Variants in SRGAP3 observed in about 807,000 individuals in gnomAD.
SRGAP3 encodes the protein SLIT-ROBO Rho GTPase activating protein 3, also known as SLIT-ROBO Rho GTPase-activating protein 3.
A neutral mutation model predicts 121.1 loss-of-function variants in SRGAP3; 39 were observed. The observed-to-expected ratio is 0.32, with a 90% CI of 0.25 to 0.42. The LOEUF (loss-of-function observed/expected upper bound fraction) is 0.42. SRGAP3 is among the 10% of genes least tolerant of loss of function. The pLI is 1.00. For missense variants in SRGAP3, 1,213 were observed against 1,470.6 expected, an observed-to-expected ratio of 0.82 and a Z score of 2.86; for synonymous variants, 601 against 570.0, an observed-to-expected ratio of 1.05 and a Z score of -0.77.
intron 2 of SRGAP3, among the ~76,000 whole-genome samples, chr3:9,120,801 T>C (rs1948977875): frequency 6.6e-6 from 1 of 152,264 alleles, no homozygotes; most frequent in Non-Finnish European, 1.5e-5. Context: ...TTTCTCTAAA[T>C]GTTAACCTGT....
At chr3:8,987,044 G>A (rs1230335833) in intron 21 of SRGAP3, among the ~76,000 whole-genome samples, 2 of 152,272 alleles carry the variant, frequency 1.3e-5, no homozygotes, top group Admixed American at 1.3e-4. Context: ...TCTGTGGCCA[G>A]TTGCTGGCCG....
intron 3 of SRGAP3, chr3:9,081,171 C>T (rs1947226746): frequency 1.1e-5 from 5 of 452,192 alleles, no homozygotes; most frequent in Non-Finnish European, 1.3e-5. Flanking sequence ...CTGGTTACAA[C>T]AGATGCCCTA....
At chr3:9,064,135 T>C (rs1225018246) in intron 5 of SRGAP3, among the ~76,000 whole-genome samples, 2 of 152,188 alleles carry the variant, frequency 1.3e-5, no homozygotes, top group Non-Finnish European at 2.9e-5. Context: ...TTCTTGTGAG[T>C]TGAGCACCTC....
intron 3 of SRGAP3, among the ~76,000 whole-genome samples, chr3:9,313,671 T>C (rs756772510): frequency 6.9e-6 from 1 of 144,978 alleles, no homozygotes; most frequent in Non-Finnish European, 1.5e-5. Flanking sequence ...AGCAAGACTC[T>C]ATGTCTTAAA....
intron 1 of SRGAP3, among the ~76,000 whole-genome samples, chr3:9,344,936 C>T (rs2125291665): frequency 6.6e-6 from 1 of 152,098 alleles, no homozygotes; most frequent in African/African-American, 2.4e-5. Context: ...ACTCAGGAGG[C>T]TGAGGCAGGA....
At chr3:9,067,856 C>G (rs912161903) in intron 4 of SRGAP3, among the ~76,000 whole-genome samples, 1 of 152,008 alleles carries the variant, frequency 6.6e-6, no homozygotes, top group African/African-American at 2.4e-5. Context: ...CTTGGTGGAA[C>G]TGGCATACAG....
chr3:9,069,841 G>A (rs1946616016), intron 4 of SRGAP3, among the ~76,000 whole-genome samples: 1 of 152,220 alleles, frequency 6.6e-6, no homozygotes, highest in African/African-American at 2.4e-5. Flanking sequence ...TAGCTACTCA[G>A]GAGGCTGAGG....
intron 8 of SRGAP3, 77 bp downstream of exon 8, chr3:9,056,156 C>T (rs1010337238): frequency 3.3e-5 from 44 of 1,339,362 alleles, no homozygotes; most frequent in African/African-American, 1.3e-4. Flanking sequence ...TTATGCACTT[C>T]GTGGCACAAG....
At chr3:9,174,733 C>G (rs1951115473) in intron 1 of SRGAP3, among the ~76,000 whole-genome samples, 1 of 152,250 alleles carries the variant, frequency 6.6e-6, no homozygotes, top group Admixed American at 6.5e-5. Context: ...GGGCTGGAAT[C>G]TGCTACTTCT....
chr3:9,149,981 G>T (rs908820681), intron 1 of SRGAP3, among the ~76,000 whole-genome samples: 1 of 152,098 alleles, frequency 6.6e-6, no homozygotes. Context: ...TGCAGGTGCT[G>T]GGGAAACAGT....
At chr3:9,187,518 A>C (rs1361969486) in intron 1 of SRGAP3, among the ~76,000 whole-genome samples, 1 of 152,084 alleles carries the variant, frequency 6.6e-6, no homozygotes, top group Non-Finnish European at 1.5e-5. Context: ...TCACAAATCG[A>C]GCAGTCTTAC....
chr3:9,013,262 A>T (rs1336633780), intron 17 of SRGAP3, 46 bp downstream of exon 17: 2 of 1,572,750 alleles, frequency 1.3e-6, no homozygotes, highest in Non-Finnish European at 1.7e-6. Flanking sequence ...ATTCAATGGC[A>T]ATAACAATGA....
intron 1 of SRGAP3, among the ~76,000 whole-genome samples, chr3:9,197,137 G>T (rs1951942084): frequency 6.6e-6 from 1 of 152,190 alleles, no homozygotes; most frequent in Admixed American, 6.5e-5. Context: ...AGATGACAGG[G>T]TGTACTGGCC....
chr3:9,179,785 T>C (rs1051391789), intron 1 of SRGAP3, among the ~76,000 whole-genome samples: 2 of 152,254 alleles, frequency 1.3e-5, no homozygotes, highest in Non-Finnish European at 2.9e-5. Flanking sequence ...GGTGCCATGT[T>C]GGCCTTCATA....
chr3:9,115,059 A>G (rs1365047430), intron 2 of SRGAP3, among the ~76,000 whole-genome samples: 2 of 152,238 alleles, frequency 1.3e-5, no homozygotes, highest in Non-Finnish European at 2.9e-5. Flanking sequence ...TAGCATTCCA[A>G]TCTGGGTTTA....
chr3:9,333,776 A>G (rs1474768437), intron 1 of SRGAP3, among the ~76,000 whole-genome samples: 1 of 152,162 alleles, frequency 6.6e-6, no homozygotes, highest in Non-Finnish European at 1.5e-5. Flanking sequence ...GCAATTTTTA[A>G]ACATTTCCCT....
rs963059522 is a variant in SRGAP3, at chr3:9,231,381, C to T, written c.67+17504G>A. Among the ~76,000 whole-genome samples, 21 of 152,126 alleles carry T rather than the reference C, an allele frequency of 1.4e-4. 1 individual carries two copies. The highest frequency in any genetic ancestry group is 2.6e-4 in the Admixed American group (4 of 15,268). The stretch of plus-strand genomic sequence containing the variant: ...TGGCAGTAATGAGGATGGAAGGATG[C>T]GGTTCTGTCTCTTTAGAAAACTGGG... On this transcript the variant is annotated intron_variant, in intron 1 of 21. Coordinates refer to ENST00000383836, the MANE Select transcript of SRGAP3 (RefSeq NM_014850.4).
At chr3:9,329,920 AG>A (rs1955578671) in intron 2 of SRGAP3, among the ~76,000 whole-genome samples, 1 of 152,230 alleles carries the variant, frequency 6.6e-6, no homozygotes, top group Admixed American at 6.5e-5. Context: ...ACCCGTTCTT[AG>A]CCAAAAGGGA....
At chr3:9,282,305 T>C (rs1954693800) in intron 3 of SRGAP3, among the ~76,000 whole-genome samples, 1 of 152,222 alleles carries the variant, frequency 6.6e-6, no homozygotes, top group Non-Finnish European at 1.5e-5. Context: ...ACTCATTACA[T>C]GTGAACATTA....
Sources: allele counts gnomAD v4.1 joint callset (sites outside exome capture counted in the v4.1 genomes callset), GRCh38; gene constraint gnomAD v4.1.1; transcripts MANE v1.5; gene names NCBI Gene and HGNC (gene_info 2026-07-23, HGNC 2026-07-21).